KIAA1755: variants seen among roughly 807,000 people sequenced by gnomAD.
KIAA1755 encodes KIAA1755.
In KIAA1755, 68 loss-of-function variants were observed where a neutral mutation model predicts 91.7. The observed-to-expected ratio is 0.74, with a 90% CI of 0.61 to 0.91. The LOEUF is 0.91. KIAA1755 is among the 40% of genes least tolerant of loss of function. KIAA1755 has a pLI of 0.00. For missense variants in KIAA1755, 1,535 were observed against 1,494.4 expected, an observed-to-expected ratio of 1.03 and a Z score of -0.45; for synonymous variants, 610 against 604.6, an observed-to-expected ratio of 1.01 and a Z score of -0.13.
chr20:38,240,988 C>T lies in KIAA1755; in HGVS notation c.1143G>A (p.Leu381=). 2 of 1,614,194 alleles carry T rather than the reference C, an allele frequency of 1.2e-6. No homozygotes were observed. The highest frequency in any genetic ancestry group is 1.7e-6 in the Non-Finnish European group (2 of 1,180,030). Residue 381 remains leucine, a synonymous_variant, in exon 3 of 14, where the codon CTG becomes CTA. Coordinates refer to ENST00000279024, the MANE Select transcript of KIAA1755 (RefSeq NM_001029864.2). ...GSYMNVLEDA[L]DCASGLRAGV... ...CTGCCCTGAGACCAGAGGCACAGTC[C>T]AGTGCGTCCTCAAGGACATTCATGT... is the stretch of plus-strand genomic sequence containing the variant.
At chr20:38,215,174 T>C (rs1040804283) in intron 13 of KIAA1755, among the ~76,000 whole-genome samples, 15 of 152,178 alleles carry the variant, frequency 9.9e-5, no homozygotes, top group African/African-American at 3.4e-4. Context: ...GAAATCATCT[T>C]GCCCAACCCC....
intron 1 of KIAA1755, among the ~76,000 whole-genome samples, chr20:38,253,399 GTAAAA>G (rs1288108885): frequency 1.3e-5 from 2 of 152,132 alleles, no homozygotes; most frequent in Admixed American, 1.3e-4. Flanking sequence ...TTTTTATCAA[GTAAAA>G]TAAACAAATA....
chr20:38,216,893 G>A (rs775947071), intron 13 of KIAA1755: 17 of 509,440 alleles, frequency 3.3e-5, no homozygotes, highest in South Asian at 1.2e-4. Flanking sequence ...GGGATCTGTC[G>A]TCATTTCTCT....
rs1056835885 is a variant in KIAA1755 at position 38,231,251 on chromosome 20, T to G, written c.1822A>C (p.Thr608Pro). The G allele has an allele frequency of 3.1e-6, 5 of 1,613,374 alleles. No individual in the cohort carries two copies. The highest frequency in any genetic ancestry group is 4.2e-6 in the Non-Finnish European group (5 of 1,179,818). The change falls in exon 5 of 14, where the codon ACA becomes CCA. Residue 608 changes from threonine (T) to proline (P), a missense_variant. Thr to Pro is a conservative substitution (Grantham distance 38). Transcript: ENST00000279024. ...AGTAGCTTGGTGACCTCTGAAACTG[T>G]GCACCATGGTGCCTCCCAGGCCCCC... ...TEGAWEAPWCTVSEVTKLLSY... is the reference protein window; with the variant it reads ...TEGAWEAPWCPVSEVTKLLSY...
chr20:38,231,984 A>G (rs1026180856), intron 4 of KIAA1755, among the ~76,000 whole-genome samples: 1 of 152,336 alleles, frequency 6.6e-6, no homozygotes, highest in Admixed American at 6.5e-5. Flanking sequence ...CTCTCCCCAC[A>G]GGAGTCATGA....
intron 13 of KIAA1755, among the ~76,000 whole-genome samples, chr20:38,214,277 G>A (rs562617377): frequency 2.0e-5 from 3 of 152,242 alleles, no homozygotes; most frequent in Non-Finnish European, 2.9e-5. Flanking sequence ...ATAGACCTAC[G>A]GGCCAGCAGG....
At chr20:38,234,310 T>C (rs1247037343) in intron 4 of KIAA1755, among the ~76,000 whole-genome samples, 1 of 152,150 alleles carries the variant, frequency 6.6e-6, no homozygotes, top group Non-Finnish European at 1.5e-5. Flanking sequence ...CTAGCCAAGA[T>C]GCCACCTCTT....
intron 1 of KIAA1755, among the ~76,000 whole-genome samples, chr20:38,255,291 A>C (rs1379424800): frequency 6.6e-6 from 1 of 152,168 alleles, no homozygotes; most frequent in Non-Finnish European, 1.5e-5. Flanking sequence ...AGGTAACATG[A>C]AGACAGACAC....
Position 38,241,067 on chromosome 20 carries a change from T to G in KIAA1755, c.1064A>C (p.Lys355Thr), listed in dbSNP as rs749280186. ...GTGGGTGGGTGCTTTAAGATTGACC[T>G]TTCTCCTGAAGCCCAAATTATAGGG... The part of the protein sequence containing the change: ...ERPYNLGFRR[K>T]VNLKAPTHNS... Residue 355 changes from lysine (K) to threonine (T), a missense_variant, in exon 3 of 14, where the codon AAG becomes ACG. Transcript: ENST00000279024. The G allele has an allele frequency of 6.2e-7, 1 of 1,614,150 alleles. No homozygotes were observed. The highest frequency in any genetic ancestry group is 1.7e-5 in the Admixed American group (1 of 60,032).
intron 1 of KIAA1755, 37 bp from the exon 2 acceptor site, chr20:38,246,163 G>A: frequency 6.4e-7 from 1 of 1,556,224 alleles, no homozygotes. Flanking sequence ...TAATAGCAAT[G>A]ATAATAAGGG....
intron 4 of KIAA1755, among the ~76,000 whole-genome samples, chr20:38,239,294 T>C (rs1166910700): frequency 1.3e-5 from 2 of 152,240 alleles, no homozygotes; most frequent in East Asian, 3.8e-4. Flanking sequence ...CACTGATGGA[T>C]GGACAAGTAG....
Position 38,212,765 on chromosome 20 carries a change from A to G in KIAA1755, c.*277T>C, listed in dbSNP as rs2075469938. 1 of 352,342 alleles carries G rather than the reference A, an allele frequency of 2.8e-6. No homozygotes were observed. Among genetic ancestry groups the G allele is most frequent in the Non-Finnish European group, 5.2e-6 (1 of 193,770 alleles). The allele number at this position is 352,342 out of a possible 1,614,324, so 21.8% of individuals were successfully genotyped here. On this transcript the variant is annotated 3_prime_UTR_variant, in exon 14 of 14. Coordinates refer to ENST00000279024, the MANE Select transcript of KIAA1755 (RefSeq NM_001029864.2). ...GTCTGTGCCGACAGGTCTTTCCACA[A>G]TGAGAGCCTGGAGGGATGGAGCCAA...
Position 38,240,850 on chromosome 20 carries a change from T to G in KIAA1755, c.1281A>C (p.Pro427=). ...CAGAGGCTGCAGCTGCAGGAGAAGC[T>G]GGGGACAGGCGGGGAGAGGAGGCTT... The part of the protein sequence containing the change: ...PRQASSPRLS[P]ASPAAAASET... Residue 427 remains proline, a synonymous_variant, in exon 3 of 14, where the codon CCA becomes CCC. Coordinates refer to ENST00000279024, the MANE Select transcript of KIAA1755 (RefSeq NM_001029864.2). 6.2e-7 allele frequency: 1 copy of G among 1,614,156 alleles called. No individual in the cohort carries two copies. The highest frequency in any genetic ancestry group is 8.5e-7 in the Non-Finnish European group (1 of 1,180,032).
Position 38,260,558 on chromosome 20 carries a change from G to C in KIAA1755, c.-58C>G, listed in dbSNP as rs950713879. Reference sequence around the variant, plus strand: ...TCCTCTCCTGGGCGCGGGGTCTGTGGGTCCGCGGGTCCGTCTGTCTGGGGC... The same window carrying C: ...TCCTCTCCTGGGCGCGGGGTCTGTGCGTCCGCGGGTCCGTCTGTCTGGGGC... On this transcript the variant is annotated 5_prime_UTR_variant, in exon 1 of 14. Transcript: ENST00000279024. 43 of 1,479,658 alleles carry C rather than the reference G, an allele frequency of 2.9e-5. No individual in the cohort carries two copies. The highest frequency in any genetic ancestry group is 3.4e-5 in the Non-Finnish European group (38 of 1,118,270). 91.7% of individuals were successfully genotyped at this position (1,479,658 alleles called of 1,614,324 possible).
chr20:38,241,864 C>T lies in KIAA1755; in HGVS notation c.267G>A (p.Val89=). Residue 89 remains valine, a synonymous_variant, in exon 3 of 14, where the codon GTG becomes GTA. Transcript: ENST00000279024. The part of the protein sequence containing the change: ...GWPLCLRDEV[V]VHLAPLNPLL... ...GAGGGTTGAGGGGTGCCAAGTGGAC[C>T]ACAACTTCATCCCTCAGACAGAGTG... 1 of 1,613,984 alleles carries T rather than the reference C, an allele frequency of 6.2e-7. No homozygotes were observed. The highest frequency in any genetic ancestry group is 8.5e-7 in the Non-Finnish European group (1 of 1,180,020).
At chr20:38,225,493 G>A (rs2075739299) in intron 8 of KIAA1755, 172 bp downstream of exon 8, 2 of 608,422 alleles carry the variant, frequency 3.3e-6, no homozygotes, top group Middle Eastern at 4.2e-4. Flanking sequence ...TAGGCAGCCT[G>A]GCCCCAGAGC....
chr20:38,257,589 A>G (rs2123360389), intron 1 of KIAA1755, among the ~76,000 whole-genome samples: 1 of 152,040 alleles, frequency 6.6e-6, no homozygotes, highest in East Asian at 1.9e-4. Context: ...TAAAAAAAAA[A>G]AAAAAAAAAA....
chr20:38,260,487 T>C lies in KIAA1755; in HGVS notation c.3+11A>G. ...GGGCAGAGCGAGGTGGTCCAGGCCT[T>C]GGCGCGTTACCATGGTGACGGGCTG... On this transcript the variant is annotated intron_variant, in intron 1 of 13. Coordinates refer to ENST00000279024, the MANE Select transcript of KIAA1755 (RefSeq NM_001029864.2). The C allele has an allele frequency of 1.3e-6, 2 of 1,490,148 alleles. No homozygotes were observed. Among genetic ancestry groups the C allele is most frequent in the Non-Finnish European group, 1.8e-6 (2 of 1,121,554 alleles). 92.3% of individuals were successfully genotyped at this position (1,490,148 alleles called of 1,614,324 possible). A position where few individuals can be genotyped will look rare whatever the true frequency, so the allele number is the denominator to read the frequency against.
intron 12 of KIAA1755, 140 bp downstream of exon 12, chr20:38,218,104 G>T: frequency 9.5e-7 from 1 of 1,050,340 alleles, no homozygotes; most frequent in Non-Finnish European, 1.4e-6. Flanking sequence ...GCTGAACTCT[G>T]CAATCCAAGC....
Sources: gnomAD v4.1 joint callset for allele counts (sites outside exome capture counted in the v4.1 genomes callset) on GRCh38, gnomAD v4.1.1 for gene constraint, MANE v1.5 for transcripts, NCBI Gene and HGNC (gene_info 2026-07-23, HGNC 2026-07-21) for gene names.